ADARB2: variants seen among roughly 807,000 people sequenced by gnomAD.
The protein encoded by ADARB2 is inactive double-stranded RNA-specific editase B2.
Under a neutral mutation model 62.2 loss-of-function variants are expected in ADARB2, and 25 were observed. That is an observed-to-expected ratio of 0.40 (90% CI 0.29 to 0.56). The LOEUF is 0.56. Among genes scored for constraint, ADARB2 ranks in the 20% least tolerant of loss-of-function variants. The pLI is 0.43. For missense variants in ADARB2, 1,071 were observed against 1,077.4 expected (o/e 0.99, Z 0.08); for synonymous variants, 572 against 500.8 (o/e 1.14, Z -1.90).
intron 1 of ADARB2, among the ~76,000 whole-genome samples, chr10:1,396,803 CT>C (rs1832619489): frequency 1.1e-5 from 1 of 93,444 alleles, no homozygotes; most frequent in Non-Finnish European, 2.3e-5. Context: ...TGGAGGCTTC[CT>C]GGGTCACCGT....
chr10:1,183,329 A>T lies in ADARB2; in HGVS notation c.2084T>A (p.Met695Lys). The part of the protein sequence containing the change: ...RTPSPGDTPS[M>K]YCEAKLGAHT... ...CGCCCCCAGCTTGGCCTCACAGTAC[A>T]TGGAGGGCGTGTCTCCAGGGCTGGG... The change falls in exon 10 of 10, where the codon ATG (methionine) becomes AAG (lysine). Residue 695 changes from methionine to lysine, a missense_variant. Physicochemically the swap from Met to Lys is moderately conservative, Grantham distance 95 (BLOSUM62 -1). Coordinates refer to ENST00000381312, the MANE Select transcript of ADARB2 (RefSeq NM_018702.4). 1 of 1,614,152 alleles carries T rather than the reference A, an allele frequency of 6.2e-7. No individual in the cohort carries two copies. The highest frequency in any genetic ancestry group is 8.5e-7 in the Non-Finnish European group (1 of 1,180,010).
At chr10:1,454,101 C>T (rs1051105081) in intron 1 of ADARB2, among the ~76,000 whole-genome samples, 17 of 152,146 alleles carry the variant, frequency 1.1e-4, no homozygotes, top group Admixed American at 2.6e-4. Flanking sequence ...ACAGTCATGG[C>T]AGAAGGGGAA....
At chr10:1,325,927 C>T (rs779844314) in intron 3 of ADARB2, among the ~76,000 whole-genome samples, 1 of 151,272 alleles carries the variant, frequency 6.6e-6, no homozygotes, top group Admixed American at 6.6e-5. Context: ...TGTTTAAACT[C>T]CTAACGCCTC....
At chr10:1,539,030 C>T (rs1375309925) in intron 1 of ADARB2, among the ~76,000 whole-genome samples, 2 of 152,190 alleles carry the variant, frequency 1.3e-5, no homozygotes, top group African/African-American at 4.8e-5. Context: ...TGGCTCCACA[C>T]AGCATGCACG....
At chr10:1,633,628 T>G (rs570017030) in intron 1 of ADARB2, among the ~76,000 whole-genome samples, 1 of 125,586 alleles carries the variant, frequency 8.0e-6, no homozygotes, top group African/African-American at 2.6e-5. Context: ...ATGTAATCTA[T>G]CTATCCATCC....
intron 3 of ADARB2, among the ~76,000 whole-genome samples, chr10:1,329,377 C>A (rs545191779): frequency 6.0e-4 from 92 of 152,322 alleles, no homozygotes; most frequent in Non-Finnish European, 1.2e-3. Flanking sequence ...AAAAATGTAT[C>A]CCTTGTTTAA....
intron 1 of ADARB2, chr10:1,676,086 A>C (rs1834463687): frequency 1.0e-6 from 1 of 985,234 alleles, no homozygotes; most frequent in Non-Finnish European, 1.2e-6. Flanking sequence ...TCCAGGATCC[A>C]TCCCTGAAGG....
chr10:1,365,631 C>T (rs2387653), intron 2 of ADARB2, among the ~76,000 whole-genome samples: 37,583 of 152,098 alleles, frequency 0.25, 5,742 homozygotes, highest in Middle Eastern at 0.41. Context: ...CCTGTAATGT[C>T]GCAGTGTTTT....
intron 6 of ADARB2, 35 bp from the exon 7 acceptor site, chr10:1,217,154 G>A (rs2131754394): frequency 6.6e-7 from 1 of 1,520,794 alleles, no homozygotes; most frequent in Non-Finnish European, 8.9e-7. Context: ...GGTGAGAAGA[G>A]GGAAGCCGCC....
intron 1 of ADARB2, among the ~76,000 whole-genome samples, chr10:1,546,624 C>G (rs1016422259): frequency 6.6e-6 from 1 of 152,230 alleles, no homozygotes; most frequent in Admixed American, 6.5e-5. Flanking sequence ...CCACCCTGTA[C>G]CAGGCATCTC....
At chr10:1,672,781 CCTCT>C (rs1046915089) in intron 1 of ADARB2, among the ~76,000 whole-genome samples, 1 of 152,244 alleles carries the variant, frequency 6.6e-6, no homozygotes, top group African/African-American at 2.4e-5. Context: ...TTCCTCCCTC[CCTCT>C]AACACATATC....
chr10:1,567,817 G>A (rs1386972254), intron 1 of ADARB2, among the ~76,000 whole-genome samples: 1 of 152,230 alleles, frequency 6.6e-6, no homozygotes, highest in Non-Finnish European at 1.5e-5. Flanking sequence ...TGAAGGAATG[G>A]GAAACTGAGG....
intron 5 of ADARB2, among the ~76,000 whole-genome samples, chr10:1,241,009 G>A (rs1830915201): frequency 6.6e-6 from 1 of 152,202 alleles, no homozygotes; most frequent in African/African-American, 2.4e-5. Context: ...AGTGGCTCAT[G>A]CCTGTAATCT....
intron 3 of ADARB2, among the ~76,000 whole-genome samples, chr10:1,286,219 T>A (rs2131807877): frequency 6.6e-6 from 1 of 152,284 alleles, no homozygotes; most frequent in Admixed American, 6.5e-5. Flanking sequence ...ACACCCCGTC[T>A]AGACCCGGGA....
chr10:1,610,045 T>C (rs1012583290), intron 1 of ADARB2, among the ~76,000 whole-genome samples: 3 of 113,850 alleles, frequency 2.6e-5, no homozygotes, highest in African/African-American at 8.0e-5. Flanking sequence ...ATTGGATTGC[T>C]GCATTTTTTT....
chr10:1,242,440 G>A, intron 4 of ADARB2, 141 bp from the exon 5 acceptor site: 2 of 1,175,978 alleles, frequency 1.7e-6, no homozygotes, highest in Non-Finnish European at 2.3e-6. Context: ...TGGGAAGCGA[G>A]GCTTCTGTGT....
At chr10:1,634,760 A>T (rs982491687) in intron 1 of ADARB2, among the ~76,000 whole-genome samples, 5 of 152,246 alleles carry the variant, frequency 3.3e-5, no homozygotes, top group Non-Finnish European at 7.3e-5. Context: ...ATTGAATTCA[A>T]TTCATTACCA....
intron 1 of ADARB2, among the ~76,000 whole-genome samples, chr10:1,453,990 G>T (rs1054491833): frequency 6.6e-6 from 1 of 152,144 alleles, no homozygotes; most frequent in Non-Finnish European, 1.5e-5. Context: ...TAGTGTATTG[G>T]TCTGCTCTCA....
chr10:1,695,984 C>T (rs911132313), intron 1 of ADARB2, among the ~76,000 whole-genome samples: 4 of 151,922 alleles, frequency 2.6e-5, no homozygotes, highest in Non-Finnish European at 5.9e-5. Flanking sequence ...AGAATATGTG[C>T]ATGCATGTGT....
Sources: allele counts gnomAD v4.1 joint callset (sites outside exome capture counted in the v4.1 genomes callset), GRCh38; gene constraint gnomAD v4.1.1; transcripts MANE v1.5; gene names NCBI Gene and HGNC (gene_info 2026-07-23, HGNC 2026-07-21).